ATP9B: variants seen among roughly 807,000 people sequenced by gnomAD.
ATP9B encodes the protein probable phospholipid-transporting ATPase IIB.
In ATP9B, 110 loss-of-function variants were observed where a neutral mutation model predicts 146.1. The observed-to-expected ratio is 0.75, with a 90% CI of 0.65 to 0.88. ATP9B has a LOEUF of 0.88. Among genes scored for constraint, ATP9B ranks in the 40% least tolerant of loss-of-function variants. ATP9B has a pLI of 0.00. For synonymous variants in ATP9B, 604 were observed against 569.7 expected (o/e 1.06, Z -0.86); for missense variants, 1,499 against 1,496.4 (o/e 1.00, Z -0.03).
At position 79,167,565 on chromosome 18, in the gene ATP9B, C is replaced by T. The variant is rs767293835; in HGVS notation, c.779-9248C>T. On this transcript the variant is annotated intron_variant, in intron 7 of 29. Coordinates refer to ENST00000426216, the MANE Select transcript of ATP9B (RefSeq NM_198531.5). ...TGCAGCCCTCAGAGTAGAGGGGACC[C>T]GGAGTGGGTAGCTCCTTCCCACAGC... Among the ~76,000 whole-genome samples the T allele has an allele frequency of 4.6e-5, 7 of 152,036 alleles. No individual in the cohort carries two copies. The South Asian group carries it at 6.2e-4, about 14-fold the overall frequency.
Position 79,197,965 on chromosome 18 carries a change from T to C in ATP9B, c.954+4702T>C, listed in dbSNP as rs539873034. Among the ~76,000 whole-genome samples, 10 of 152,272 alleles carry C rather than the reference T, an allele frequency of 6.6e-5. No homozygotes were observed. In the East Asian group the frequency reaches 1.3e-3, roughly 21 times the overall value. On this transcript the variant is annotated intron_variant, in intron 9 of 29. Coordinates refer to ENST00000426216, the MANE Select transcript of ATP9B (RefSeq NM_198531.5). ...AGACTATAGAATATTAAAATAACATTAGGAAGGCACTTCAGCATATTGACA... is the reference window on the plus strand; with the variant it reads ...AGACTATAGAATATTAAAATAACATCAGGAAGGCACTTCAGCATATTGACA...
At chr18:79,351,375 G>A (rs548805736) in intron 25 of ATP9B, among the ~76,000 whole-genome samples, 1 of 152,284 alleles carries the variant, frequency 6.6e-6, no homozygotes, top group Non-Finnish European at 1.5e-5. Context: ...AAGTAACTCT[G>A]AGTGTCCGTC....
intron 13 of ATP9B, among the ~76,000 whole-genome samples, chr18:79,290,276 G>A (rs1339734953): frequency 2.0e-5 from 3 of 152,208 alleles, no homozygotes; most frequent in Non-Finnish European, 4.4e-5. Context: ...CACCCAGTTG[G>A]AGCTTCCTGG....
At chr18:79,183,863 A>T (rs1289596446) in intron 8 of ATP9B, among the ~76,000 whole-genome samples, 2 of 149,080 alleles carry the variant, frequency 1.3e-5, no homozygotes, top group Non-Finnish European at 3.0e-5. Flanking sequence ...TTAGATTTTT[A>T]TTTTTGCACA....
intron 4 of ATP9B, among the ~76,000 whole-genome samples, chr18:79,124,533 G>A (rs7227411): frequency 0.21 from 31,824 of 152,114 alleles, 3,703 homozygotes; most frequent in East Asian, 0.5. Context: ...TTTTCCTTGA[G>A]TCCAAGAGTG....
intron 11 of ATP9B, among the ~76,000 whole-genome samples, chr18:79,238,291 C>T (rs1389983452): frequency 2.0e-5 from 3 of 150,742 alleles, no homozygotes; most frequent in East Asian, 1.9e-4. Context: ...ACAATAATCT[C>T]GTGACTGCTG....
chr18:79,346,689 C>T lies in ATP9B; in HGVS notation c.2682+850C>T, dbSNP rs142915470. Among the ~76,000 whole-genome samples the T allele has an allele frequency of 3.1e-3, 474 of 151,404 alleles. 1 individual carries two copies. Among genetic ancestry groups the T allele is most frequent in the Middle Eastern group, 0.011 (3 of 284 alleles). Reference sequence around the variant, plus strand: ...GCACAGTCAGCACACACTCGGCACACACTCGGTCAGCGCACGTCAGCACGT... The same window carrying T: ...GCACAGTCAGCACACACTCGGCACATACTCGGTCAGCGCACGTCAGCACGT... On this transcript the variant is annotated intron_variant, in intron 23 of 29. Coordinates refer to ENST00000426216, the MANE Select transcript of ATP9B (RefSeq NM_198531.5).
At chr18:79,163,178 T>G (rs1170177858) in intron 7 of ATP9B, among the ~76,000 whole-genome samples, 1 of 152,240 alleles carries the variant, frequency 6.6e-6, no homozygotes, top group East Asian at 1.9e-4. Context: ...AGTTCATTCT[T>G]TCTCTCTTTA....
chr18:79,156,217 C>G (rs2094778328), intron 7 of ATP9B, among the ~76,000 whole-genome samples: 1 of 152,148 alleles, frequency 6.6e-6, no homozygotes, highest in Non-Finnish European at 1.5e-5. Flanking sequence ...CTTTTATTTT[C>G]CCAACTGTGG....
chr18:79,213,451 A>C (rs964347221), intron 10 of ATP9B, among the ~76,000 whole-genome samples: 2 of 152,110 alleles, frequency 1.3e-5, no homozygotes, highest in African/African-American at 4.8e-5. Flanking sequence ...GTTTTTTATA[A>C]TATTTCTATT....
intron 13 of ATP9B, among the ~76,000 whole-genome samples, chr18:79,297,107 G>C (rs111067469): frequency 0.042 from 6,054 of 144,494 alleles, 266 homozygotes; most frequent in African/African-American, 0.11. Flanking sequence ...CCAGAGAGAA[G>C]ACACAGACGA....
chr18:79,198,606 C>CCACATTATTAAACACAGTAACA, intron 9 of ATP9B, among the ~76,000 whole-genome samples: 2 of 152,120 alleles, frequency 1.3e-5, no homozygotes, highest in African/African-American at 4.8e-5. Flanking sequence ...ATGGTGTAGC[C>CCACATTATTAAACACAGTAACA]TGTTGCTCCT....
chr18:79,344,815 A>C (rs547688002), intron 21 of ATP9B, among the ~76,000 whole-genome samples: 12 of 152,338 alleles, frequency 7.9e-5, no homozygotes, highest in African/African-American at 2.4e-4. Context: ...GAGCCTGTCC[A>C]GCGCCTTGGT....
chr18:79,280,781 G>A (rs1471408768), intron 13 of ATP9B, among the ~76,000 whole-genome samples: 1 of 151,594 alleles, frequency 6.6e-6, no homozygotes, highest in Admixed American at 6.6e-5. Flanking sequence ...GGATATTTCT[G>A]ATCACAATAA....
intron 7 of ATP9B, among the ~76,000 whole-genome samples, chr18:79,157,207 T>TACACACACACAC (rs147810207): frequency 1.9e-3 from 263 of 135,376 alleles, no homozygotes; most frequent in African/African-American, 5.6e-3. Flanking sequence ...CTAAAAAAAA[T>TACACACACACAC]ACACACACAC....
intron 5 of ATP9B, among the ~76,000 whole-genome samples, chr18:79,134,893 T>C (rs1369310742): frequency 2.0e-5 from 3 of 152,240 alleles, no homozygotes; most frequent in Non-Finnish European, 4.4e-5. Context: ...GAAAGTCTAC[T>C]CATTCCCCAT....
rs373430011 is a variant in ATP9B, at chr18:79,337,381, G to A, written c.2215G>A (p.Gly739Ser). The change falls in exon 19 of 30, where the codon GGC (glycine) becomes AGC (serine). Residue 739 changes from glycine (G) to serine (S), a missense_variant. Coordinates refer to ENST00000426216, the MANE Select transcript of ATP9B (RefSeq NM_198531.5). ...GGAGATGGAACTGCTGTGCCTCACCGGCGTGGAGGACCAGCTGCAGGCAGA... is the reference window on the plus strand; with the variant it reads ...GGAGATGGAACTGCTGTGCCTCACCAGCGTGGAGGACCAGCTGCAGGCAGA... ...EREMELLCLTGVEDQLQADVR... is the reference protein window; with the variant it reads ...EREMELLCLTSVEDQLQADVR... The A allele has an allele frequency of 6.2e-6, 10 of 1,613,916 alleles. No individual in the cohort carries two copies. In the African/African-American group the frequency reaches 6.7e-5, roughly 11 times the overall value.
chr18:79,345,896 T>C, intron 23 of ATP9B, 57 bp downstream of exon 23: 2 of 1,586,656 alleles, frequency 1.3e-6, no homozygotes, highest in South Asian at 2.2e-5. Flanking sequence ...TCAACACGAC[T>C]CAGCACATGC....
At chr18:79,319,392 A>G (rs1382843606) in intron 15 of ATP9B, among the ~76,000 whole-genome samples, 4 of 151,910 alleles carry the variant, frequency 2.6e-5, no homozygotes, top group African/African-American at 9.7e-5. Flanking sequence ...ATGTGAGTGA[A>G]TAGAGGAGGG....
Sources: gnomAD v4.1 joint callset for allele counts (sites outside exome capture counted in the v4.1 genomes callset) on GRCh38, gnomAD v4.1.1 for gene constraint, MANE v1.5 for transcripts, NCBI Gene and HGNC (gene_info 2026-07-23, HGNC 2026-07-21) for gene names.